DNM2: variants seen among roughly 807,000 people sequenced by gnomAD.
DNM2 encodes dynamin-2.
A neutral mutation model predicts 99.0 loss-of-function variants in DNM2; 15 were observed. The observed-to-expected ratio is 0.15, with a 90% CI of 0.10 to 0.23. The LOEUF (loss-of-function observed/expected upper bound fraction) is 0.23. Ranked by LOEUF, DNM2 falls within the 10% of genes least tolerant of loss-of-function variation. DNM2 has a pLI of 1.00. For synonymous variants in DNM2, 525 were observed against 481.2 expected (o/e 1.09, Z -1.19); for missense variants, 742 against 1,189.4 (o/e 0.62, Z 5.53).
chr19:10,774,560 G>A (rs2071086680), intron 3 of DNM2, among the ~76,000 whole-genome samples: 1 of 152,046 alleles, frequency 6.6e-6, no homozygotes, highest in Admixed American at 6.6e-5. Context: ...CTGAGTAGCT[G>A]GGATTACAGG....
In DNM2 at chr19:10,830,587, G is replaced by A. The variant is rs1279134916; in HGVS notation, c.2543+209G>A. ...AGAGTAGCGGAGCCCTGGTGACTCC[G>A]GGGCTCCCAGCTTGCCCTCTGCCTA... is the stretch of plus-strand genomic sequence containing the variant. On this transcript the variant is annotated intron_variant, in intron 20 of 20. Transcript: ENST00000389253. The surrounding 1 kb of genome is among the most constrained non-coding windows in gnomAD (Gnocchi z 4.8). 2.4e-5 allele frequency: 16 copies of A among 660,184 alleles called. No individual in the cohort carries two copies. The highest frequency in any genetic ancestry group is 9.1e-5 in the African/African-American group (5 of 54,948). 40.9% of individuals were successfully genotyped at this position (660,184 alleles called of 1,614,324 possible).
At chr19:10,828,167 T>C (rs2146201720) in intron 18 of DNM2, among the ~76,000 whole-genome samples, 1 of 152,284 alleles carries the variant, frequency 6.6e-6, no homozygotes, top group East Asian at 1.9e-4. Flanking sequence ...GGCACGCCTG[T>C]AGTCCCAGCT....
chr19:10,825,823 C>A (rs2073125258), intron 18 of DNM2, among the ~76,000 whole-genome samples: 1 of 148,032 alleles, frequency 6.8e-6, no homozygotes, highest in Non-Finnish European at 1.5e-5. Context: ...CACTGCACTC[C>A]AGCCTGGTTG....
At chr19:10,782,028 A>G (rs1199387485) in intron 5 of DNM2, among the ~76,000 whole-genome samples, 1 of 151,626 alleles carries the variant, frequency 6.6e-6, no homozygotes, top group Non-Finnish European at 1.5e-5. Context: ...TGTTTTTAAG[A>G]TGTTATTTCT....
intron 1 of DNM2, chr19:10,718,622 G>T (rs1470461708): frequency 1.7e-6 from 1 of 581,658 alleles, no homozygotes; most frequent in Admixed American, 4.8e-5. Flanking sequence ...GCGGTGTCAC[G>T]GGCCAGGGCG....
chr19:10,802,621 G>A, intron 12 of DNM2: 1 of 525,680 alleles, frequency 1.9e-6, no homozygotes, highest in Non-Finnish European at 3.5e-6. Context: ...AGATCTGCAG[G>A]GAGAGGGGGA....
At position 10,775,638 on chromosome 19, in the gene DNM2, T is replaced by C; in HGVS notation, c.386-65T>C. On this transcript the variant is annotated intron_variant, in intron 3 of 20. Coordinates refer to ENST00000389253, the MANE Select transcript of DNM2 (RefSeq NM_001005361.3). This position sits in a 1 kb window ranked among gnomAD's most constrained non-coding sequence, Gnocchi z 4.3. ...GAACTTTGGTAGTCAGCTGGGTGGC[T>C]GCGGGCCTGTTTGTGCCTCCCCTCT... 1 of 1,585,302 alleles carries C rather than the reference T, an allele frequency of 6.3e-7. No homozygotes were observed. The highest frequency in any genetic ancestry group is 1.7e-5 in the Admixed American group (1 of 59,976).
intron 16 of DNM2, chr19:10,823,342 T>C (rs570927122): frequency 6.6e-6 from 1 of 150,802 alleles, no homozygotes; most frequent in South Asian, 2.1e-4. Flanking sequence ...AAGGTGGAGG[T>C]TGCGGTGAGC....
At chr19:10,768,721 G>A (rs1435825797) in intron 2 of DNM2, 3 of 152,306 alleles carry the variant, frequency 2.0e-5, no homozygotes, top group African/African-American at 7.2e-5. Context: ...CAGACACCTA[G>A]ATTCAGCTTG....
At chr19:10,823,258 A>C (rs1164181872) in intron 16 of DNM2, 1 of 144,736 alleles carries the variant, frequency 6.9e-6, no homozygotes, top group Non-Finnish European at 1.5e-5. Context: ...TACTAAAATT[A>C]GCCAGGTGTG....
At chr19:10,753,662 G>GT (rs961941292) in intron 1 of DNM2, among the ~76,000 whole-genome samples, 1 of 151,132 alleles carries the variant, frequency 6.6e-6, no homozygotes, top group African/African-American at 2.4e-5. Flanking sequence ...TTTTTGTTTT[G>GT]TTTTTTTCCC....
At chr19:10,824,903 G>C in intron 17 of DNM2, 154 bp from the exon 18 acceptor site, 1 of 1,223,800 alleles carries the variant, frequency 8.2e-7, no homozygotes, top group African/African-American at 1.5e-5. Context: ...GGCAGCTCTG[G>C]CCCAGGGCAA....
Position 10,818,482 on chromosome 19 carries a change from C to T in DNM2, c.1672-1498C>T, listed in dbSNP as rs1462468470. Reference sequence around the variant, plus strand: ...GGAGGTGGCGGGGAAGTGGCTTGCCCGAGGGCACACGGCCAGGAAAGGGCA... The same window carrying T: ...GGAGGTGGCGGGGAAGTGGCTTGCCTGAGGGCACACGGCCAGGAAAGGGCA... On this transcript the variant is annotated intron_variant, in intron 15 of 20. Coordinates refer to ENST00000389253, the MANE Select transcript of DNM2 (RefSeq NM_001005361.3). The surrounding 1 kb of genome is among the most constrained non-coding windows in gnomAD (Gnocchi z 4.3). 6.6e-6 allele frequency among the ~76,000 whole-genome samples: 1 copy of T among 152,174 alleles called. No individual in the cohort carries two copies. Among genetic ancestry groups the T allele is most frequent in the African/African-American group, 2.4e-5 (1 of 41,446 alleles).
chr19:10,758,751 T>A (rs1243451263), intron 1 of DNM2, among the ~76,000 whole-genome samples: 1 of 151,816 alleles, frequency 6.6e-6, no homozygotes, highest in Non-Finnish European at 1.5e-5. Context: ...TTCGCCATGT[T>A]GGCCAGGCTG....
At chr19:10,747,026 C>T (rs907854683) in intron 1 of DNM2, among the ~76,000 whole-genome samples, 14 of 151,522 alleles carry the variant, frequency 9.2e-5, no homozygotes, top group Non-Finnish European at 1.8e-4. Context: ...CATGAGCCAC[C>T]GCACTCAACC....
At chr19:10,730,214 T>C (rs956846617) in intron 1 of DNM2, among the ~76,000 whole-genome samples, 1 of 152,132 alleles carries the variant, frequency 6.6e-6, no homozygotes, top group Non-Finnish European at 1.5e-5. Context: ...AAGTGGTGAC[T>C]CACGCCTGTA....
At position 10,819,968 on chromosome 19, in the gene DNM2, CT is replaced by C. The variant is rs1273388791; in HGVS notation, c.1672-11del. The C allele has an allele frequency of 1.2e-6, 2 of 1,613,794 alleles. No individual in the cohort carries two copies. The highest frequency in any genetic ancestry group is 2.2e-5 in the South Asian group (2 of 91,080). ...GGACCGCTCAGGGTGACTCTTTTCCCTCCACCCTCAGGAGAAAGAGAAGAAG... is the reference window on the plus strand; with the variant it reads ...GGACCGCTCAGGGTGACTCTTTTCCCCCACCCTCAGGAGAAAGAGAAGAAG... On this transcript the variant is annotated splice_polypyrimidine_tract_variant and intron_variant, in intron 15 of 20. Coordinates refer to ENST00000389253, the MANE Select transcript of DNM2 (RefSeq NM_001005361.3).
chr19:10,782,692 T>G (rs1197971864), intron 5 of DNM2, among the ~76,000 whole-genome samples: 1 of 152,222 alleles, frequency 6.6e-6, no homozygotes, highest in Non-Finnish European at 1.5e-5. Flanking sequence ...GAATCTCAGC[T>G]TGTAGATTTC....
intron 1 of DNM2, among the ~76,000 whole-genome samples, chr19:10,721,316 C>T (rs1276100005): frequency 6.6e-6 from 1 of 152,108 alleles, no homozygotes; most frequent in African/African-American, 2.4e-5. Context: ...GTTACCACAC[C>T]CGGCTAATTT....
Sources: allele counts gnomAD v4.1 joint callset (sites outside exome capture counted in the v4.1 genomes callset), GRCh38; gene constraint gnomAD v4.1.1; non-coding constraint Gnocchi (gnomAD v3.1); transcripts MANE v1.5; gene names NCBI Gene and HGNC (gene_info 2026-07-23, HGNC 2026-07-21).